Variants in PRKG1 observed in about 807,000 individuals in gnomAD.
The protein encoded by PRKG1 is cGMP-dependent protein kinase 1.
A neutral mutation model predicts 88.1 loss-of-function variants in PRKG1; 35 were observed. That is an observed-to-expected ratio of 0.40 (90% CI 0.30 to 0.53). The LOEUF (loss-of-function observed/expected upper bound fraction) is 0.53. Ranked by LOEUF, PRKG1 falls within the 20% of genes least tolerant of loss-of-function variation. The pLI is 0.59. For synonymous variants in PRKG1, 303 were observed against 292.5 expected, an observed-to-expected ratio of 1.04 and a Z score of -0.37; for missense variants, 540 against 839.8, an observed-to-expected ratio of 0.64 and a Z score of 4.41.
intron 3 of PRKG1, among the ~76,000 whole-genome samples, chr10:51,691,308 C>CTTT (rs750337206): frequency 7.4e-5 from 10 of 134,938 alleles, no homozygotes; most frequent in African/African-American, 2.5e-4. Context: ...TTCTTTTTAT[C>CTTT]TTTTTTTTTT....
intron 2 of PRKG1, among the ~76,000 whole-genome samples, chr10:51,294,879 C>T (rs1214611734): frequency 6.6e-6 from 1 of 152,096 alleles, no homozygotes; most frequent in Non-Finnish European, 1.5e-5. Flanking sequence ...TTGAGACCAG[C>T]TTGGGCAACA....
intron 5 of PRKG1, among the ~76,000 whole-genome samples, chr10:51,963,718 G>A (rs1366291611): frequency 3.3e-5 from 5 of 152,104 alleles, no homozygotes; most frequent in Non-Finnish European, 2.9e-5. Flanking sequence ...CACATGCTGG[G>A]ATTACAGGCG....
intron 3 of PRKG1, among the ~76,000 whole-genome samples, chr10:51,665,931 GTGTGTT>G (rs1840412296): frequency 6.6e-6 from 1 of 151,582 alleles, no homozygotes; most frequent in Admixed American, 6.6e-5. Context: ...GTGTGTGTGT[GTGTGTT>G]TGTGTGTTTG....
At position 50,991,666 on chromosome 10, in the gene PRKG1, C is replaced by T. The variant is rs1426975599; in HGVS notation, c.266+22C>T. The T allele has an allele frequency of 6.8e-7, 1 of 1,460,734 alleles. No individual in the cohort carries two copies. The highest frequency in any genetic ancestry group is 9.1e-7 in the Non-Finnish European group (1 of 1,101,986). The allele number at this position is 1,460,734 out of a possible 1,614,324, so 90.5% of individuals were successfully genotyped here. On this transcript the variant is annotated intron_variant, in intron 1 of 17. Transcript: ENST00000401604. The surrounding 1 kb of genome is among the most constrained non-coding windows in gnomAD (Gnocchi z 4.5). ...AAAGGTAGGCGCGGAGGCCGTGGGC[C>T]CGGGCGCTCGTCCCGGCCCGCGGCG...
At chr10:51,754,913 T>C (rs1837817725) in intron 3 of PRKG1, among the ~76,000 whole-genome samples, 1 of 151,680 alleles carries the variant, frequency 6.6e-6, no homozygotes, top group Non-Finnish European at 1.5e-5. Context: ...TGGATGAGAA[T>C]GGATTGGCTC....
intron 8 of PRKG1, among the ~76,000 whole-genome samples, chr10:52,150,708 C>T (rs1837888701): frequency 6.6e-6 from 1 of 152,118 alleles, no homozygotes; most frequent in African/African-American, 2.4e-5. Flanking sequence ...AGGAGTTTCA[C>T]AGCATAAATA....
chr10:52,034,995 T>A (rs1160728633), intron 5 of PRKG1, among the ~76,000 whole-genome samples: 1 of 152,200 alleles, frequency 6.6e-6, no homozygotes, highest in African/African-American at 2.4e-5. Flanking sequence ...CATTCTACTT[T>A]TCTTGAAGAC....
At chr10:51,655,704 A>G (rs1029592284) in intron 3 of PRKG1, among the ~76,000 whole-genome samples, 8 of 152,172 alleles carry the variant, frequency 5.3e-5, no homozygotes, top group African/African-American at 1.4e-4. Flanking sequence ...ACTGGATTAA[A>G]TAACAGAATA....
At chr10:52,277,953 A>G (rs1038017183) in intron 12 of PRKG1, among the ~76,000 whole-genome samples, 7 of 152,154 alleles carry the variant, frequency 4.6e-5, no homozygotes, top group African/African-American at 1.4e-4. Context: ...ACAGTAATCA[A>G]GCATTTGTAA....
At chr10:51,136,818 T>A (rs139867829) in intron 1 of PRKG1, among the ~76,000 whole-genome samples, 4 of 152,326 alleles carry the variant, frequency 2.6e-5, no homozygotes, top group Admixed American at 2.6e-4. Flanking sequence ...TAAAGTGTGA[T>A]GTCTTCTGCA....
chr10:51,250,841 G>A (rs1241991858), intron 2 of PRKG1, among the ~76,000 whole-genome samples: 1 of 151,208 alleles, frequency 6.6e-6, no homozygotes, highest in Non-Finnish European at 1.5e-5. Flanking sequence ...AGCTCCTAGT[G>A]TATGTGAAGC....
chr10:51,862,237 G>T (rs1840895868), intron 4 of PRKG1, among the ~76,000 whole-genome samples: 1 of 152,162 alleles, frequency 6.6e-6, no homozygotes, highest in African/African-American at 2.4e-5. Flanking sequence ...TGGCAAACAG[G>T]TGCATGTCAC....
At chr10:52,101,246 A>G (rs1211686489) in intron 7 of PRKG1, among the ~76,000 whole-genome samples, 2 of 152,218 alleles carry the variant, frequency 1.3e-5, no homozygotes, top group African/African-American at 2.4e-5. Context: ...GGCCACTGAT[A>G]TATCTTTAAC....
intron 4 of PRKG1, among the ~76,000 whole-genome samples, chr10:51,855,216 A>AT: frequency 6.6e-6 from 1 of 152,292 alleles, no homozygotes; most frequent in East Asian, 1.9e-4. Context: ...TTCAGCCTAA[A>AT]TTAAAGTATC....
intron 10 of PRKG1, 100 bp downstream of exon 10, chr10:52,251,766 A>C: frequency 1.0e-6 from 1 of 978,330 alleles, no homozygotes; most frequent in South Asian, 1.6e-5. Context: ...TTTGTCTTTC[A>C]TCATTAATTA....
intron 4 of PRKG1, among the ~76,000 whole-genome samples, chr10:51,840,008 T>C (rs1183396476): frequency 2.0e-5 from 3 of 152,218 alleles, no homozygotes. Flanking sequence ...ATTTCAAATC[T>C]AGTTTTAATT....
intron 3 of PRKG1, among the ~76,000 whole-genome samples, chr10:51,649,496 G>A (rs1370114278): frequency 6.6e-6 from 1 of 152,046 alleles, no homozygotes; most frequent in Non-Finnish European, 1.5e-5. Context: ...TTTCCCCACA[G>A]ATAAGTAAAA....
chr10:52,243,550 G>A (rs1840922314), intron 9 of PRKG1, among the ~76,000 whole-genome samples: 1 of 152,158 alleles, frequency 6.6e-6, no homozygotes, highest in Admixed American at 6.6e-5. Context: ...ACTCTCTGCT[G>A]TCATGTTTAA....
At chr10:51,401,941 GT>G (rs1837751497) in intron 2 of PRKG1, among the ~76,000 whole-genome samples, 2 of 152,108 alleles carry the variant, frequency 1.3e-5, no homozygotes, top group South Asian at 4.2e-4. Context: ...TTTGTGCAGT[GT>G]TTCCTCCTGC....
Sources: allele counts gnomAD v4.1 joint callset (sites outside exome capture counted in the v4.1 genomes callset), GRCh38; gene constraint gnomAD v4.1.1; non-coding constraint Gnocchi (gnomAD v3.1); transcripts MANE v1.5; gene names NCBI Gene and HGNC (gene_info 2026-07-23, HGNC 2026-07-21).